The following GABRG3 variants were observed in gnomAD, a reference collection of about 807,000 sequenced individuals.
GABRG3 encodes the protein gamma-aminobutyric acid receptor subunit gamma-3.
In GABRG3, 25 loss-of-function variants were observed where a neutral mutation model predicts 48.8. The observed-to-expected ratio is 0.51, with a 90% CI of 0.37 to 0.72. GABRG3 has a LOEUF of 0.72. Among genes scored for constraint, GABRG3 ranks in the 30% least tolerant of loss-of-function variants. The pLI is 0.00. For missense variants in GABRG3, 394 were observed against 577.9 expected, an observed-to-expected ratio of 0.68 and a Z score of 3.26; for synonymous variants, 227 against 217.6, an observed-to-expected ratio of 1.04 and a Z score of -0.38.
chr15:27,489,525 C>T (rs1374858948), intron 6 of GABRG3, among the ~76,000 whole-genome samples: 1 of 152,194 alleles, frequency 6.6e-6, no homozygotes, highest in East Asian at 1.9e-4. Context: ...TCTCCACATC[C>T]TCTCCAGCAT....
Position 27,057,695 on chromosome 15 carries a change from T to G in GABRG3, c.270+30874T>G, listed in dbSNP as rs539612009. On this transcript the variant is annotated intron_variant, in intron 3 of 9. Coordinates refer to ENST00000615808, the MANE Select transcript of GABRG3 (RefSeq NM_033223.5). Reference sequence around the variant, plus strand: ...GGTGTTTCCTAAGTAAAAACTGGTGTTGTTGTCTGGGAATCTTACCACGTA... The same window carrying G: ...GGTGTTTCCTAAGTAAAAACTGGTGGTGTTGTCTGGGAATCTTACCACGTA... Among the ~76,000 whole-genome samples the G allele has an allele frequency of 2.9e-4, 44 of 152,268 alleles. No homozygotes were observed. In the South Asian group the frequency reaches 6.8e-3, roughly 24 times the overall value.
intron 3 of GABRG3, among the ~76,000 whole-genome samples, chr15:27,225,295 A>C (rs1889575892): frequency 6.6e-6 from 1 of 152,004 alleles, no homozygotes; most frequent in Non-Finnish European, 1.5e-5. Flanking sequence ...TTCGCTTCCC[A>C]GACACCGCCC....
rs145666223 is a variant in GABRG3 at position 27,187,059 on chromosome 15, A to G, written c.271-139750A>G. ...TGGGATTTTTATAGTTTGAGGTCTT[A>G]CATTTAAGTCTTTAATCCATCTTGA... On this transcript the variant is annotated intron_variant, in intron 3 of 9. Transcript: ENST00000615808. Among the ~76,000 whole-genome samples the G allele has an allele frequency of 4.0e-3, 413 of 103,114 alleles. 3 individuals carry two copies. Among genetic ancestry groups the G allele is most frequent in the African/African-American group, 0.017 (401 of 23,400 alleles). The allele number at this position is 103,114 out of a possible 152,430, so 67.6% of individuals were successfully genotyped here.
rs1888992185 is a variant in GABRG3, at chr15:27,447,987, A to G, written c.575-32663A>G. 6.6e-6 allele frequency among the ~76,000 whole-genome samples: 1 copy of G among 152,222 alleles called. No homozygotes were observed. The highest frequency in any genetic ancestry group is 1.5e-5 in the Non-Finnish European group (1 of 68,038). ...GTATGTTCTGCACATGTATCCCAGA[A>G]CTTAAAGTATAATAAGATAAAATAC... On this transcript the variant is annotated intron_variant, in intron 5 of 9. Coordinates refer to ENST00000615808, the MANE Select transcript of GABRG3 (RefSeq NM_033223.5). The surrounding 1 kb of genome is among the most constrained non-coding windows in gnomAD (Gnocchi z 4.0).
At chr15:27,147,272 A>G (rs1898226347) in intron 3 of GABRG3, among the ~76,000 whole-genome samples, 1 of 152,096 alleles carries the variant, frequency 6.6e-6, no homozygotes, top group Admixed American at 6.5e-5. Flanking sequence ...ATAAATATAA[A>G]CATATAAGCA....
intron 5 of GABRG3, among the ~76,000 whole-genome samples, chr15:27,391,690 G>A (rs118187695): frequency 0.013 from 1,909 of 152,272 alleles, 20 homozygotes; most frequent in Non-Finnish European, 0.02. Flanking sequence ...AAGAGAAATC[G>A]TATTTTCTTT....
chr15:27,258,911 C>T (rs921771385), intron 3 of GABRG3, among the ~76,000 whole-genome samples: 17 of 152,062 alleles, frequency 1.1e-4, no homozygotes, highest in African/African-American at 2.4e-4. Context: ...TCCTCCAACA[C>T]GCCTTCCCAG....
rs575677366 is a variant in GABRG3, at chr15:27,240,763, A to T, written c.271-86046A>T. On this transcript the variant is annotated intron_variant, in intron 3 of 9. Transcript: ENST00000615808. The stretch of plus-strand genomic sequence containing the variant: ...ATCTGATCAATAACTTTTCACAGAG[A>T]CTTAAGTGTATTTTCTATTATTATG... Among the ~76,000 whole-genome samples, 130 of 152,306 alleles carry T rather than the reference A, an allele frequency of 8.5e-4. 1 individual carries two copies. The South Asian group carries it at 0.026, about 30-fold the overall frequency.
At position 27,376,426 on chromosome 15, in the gene GABRG3, T is replaced by C. The variant is rs573807181; in HGVS notation, c.574+47538T>C. ...GTAGGGACCAACCCCACATTTTCCT[T>C]CTGCACTACACTAGTAGAAGTTCTC... On this transcript the variant is annotated intron_variant, in intron 5 of 9. Transcript: ENST00000615808. Among the ~76,000 whole-genome samples, 4 of 152,318 alleles carry C rather than the reference T, an allele frequency of 2.6e-5. No individual in the cohort carries two copies. The South Asian group carries it at 6.2e-4, about 24-fold the overall frequency.
At chr15:27,196,476 A>G (rs919753217) in intron 3 of GABRG3, among the ~76,000 whole-genome samples, 1 of 152,120 alleles carries the variant, frequency 6.6e-6, no homozygotes, top group African/African-American at 2.4e-5. Flanking sequence ...TTGCCTATCA[A>G]ATTATGTATA....
At chr15:27,458,569 A>G (rs7174138) in intron 5 of GABRG3, among the ~76,000 whole-genome samples, 43,978 of 152,022 alleles carry the variant, frequency 0.29, 7,516 homozygotes, top group East Asian at 0.55. Flanking sequence ...CTCATTATCC[A>G]GCTGAGAGGC....
intron 6 of GABRG3, among the ~76,000 whole-genome samples, chr15:27,518,893 G>T (rs1891091874): frequency 2.0e-5 from 3 of 152,164 alleles, no homozygotes; most frequent in African/African-American, 7.2e-5. Flanking sequence ...AGAGCAAAAA[G>T]GACTGGTCAT....
At chr15:27,029,914 A>T (rs1566913857) in intron 3 of GABRG3, among the ~76,000 whole-genome samples, 1 of 152,180 alleles carries the variant, frequency 6.6e-6, no homozygotes, top group Non-Finnish European at 1.5e-5. Context: ...AGGGCATCTC[A>T]CATTGCCGAG....
chr15:27,041,483 C>A (rs1042752711), intron 3 of GABRG3, among the ~76,000 whole-genome samples: 2 of 151,632 alleles, frequency 1.3e-5, no homozygotes, highest in Non-Finnish European at 2.9e-5. Context: ...GCCCAGCCAA[C>A]CTAAACCTTT....
At chr15:27,142,466 G>A (rs969621729) in intron 3 of GABRG3, among the ~76,000 whole-genome samples, 4 of 152,122 alleles carry the variant, frequency 2.6e-5, no homozygotes, top group Non-Finnish European at 5.9e-5. Context: ...ATGAGATCTC[G>A]TGAGACTTAT....
intron 3 of GABRG3, among the ~76,000 whole-genome samples, chr15:27,290,724 A>G (rs1595643285): frequency 6.6e-6 from 1 of 152,332 alleles, no homozygotes; most frequent in Middle Eastern, 3.4e-3. Context: ...CCTAAGGGGG[A>G]CATGATGGCT....
chr15:27,084,569 G>A (rs1897044927), intron 3 of GABRG3, among the ~76,000 whole-genome samples: 1 of 152,198 alleles, frequency 6.6e-6, no homozygotes, highest in South Asian at 2.1e-4. Flanking sequence ...GGCTAGCCTG[G>A]GGCTGCATGG....
chr15:27,196,758 C>T (rs1233895780), intron 3 of GABRG3, among the ~76,000 whole-genome samples: 1 of 152,172 alleles, frequency 6.6e-6, no homozygotes, highest in East Asian at 1.9e-4. Flanking sequence ...GTTGTCAGCC[C>T]CAGGTACAAA....
chr15:27,212,890 A>G (rs1889120526), intron 3 of GABRG3, among the ~76,000 whole-genome samples: 1 of 152,190 alleles, frequency 6.6e-6, no homozygotes, highest in Non-Finnish European at 1.5e-5. Flanking sequence ...AGGCTCATCC[A>G]TGTTGTTGCA....
Sources: allele counts gnomAD v4.1 joint callset (sites outside exome capture counted in the v4.1 genomes callset), GRCh38; gene constraint gnomAD v4.1.1; non-coding constraint Gnocchi (gnomAD v3.1); transcripts MANE v1.5; gene names NCBI Gene and HGNC (gene_info 2026-07-23, HGNC 2026-07-21).